The following AP1M1 variants were observed in gnomAD, a reference collection of about 807,000 sequenced individuals.
AP1M1 encodes the protein adaptor related protein complex 1 subunit mu 1.
In AP1M1, 18 loss-of-function variants were observed where a neutral mutation model predicts 57.1. The ratio of observed to expected loss-of-function variants is 0.32; its 90% CI spans 0.22 to 0.47. The LOEUF (loss-of-function observed/expected upper bound fraction) is 0.47, where lower values mean the gene tolerates loss of function less well. AP1M1 is among the 20% of genes least tolerant of loss of function. The probability of loss-of-function intolerance (pLI) is 1.00; values close to 1 mark genes in which losing one functional copy is unlikely to be tolerated. For missense variants in AP1M1, 362 were observed against 593.5 expected (o/e 0.61, Z 4.05); for synonymous variants, 241 against 237.9 (o/e 1.01, Z -0.12).
Position 16,207,733 on chromosome 19 carries a change from G to A in AP1M1, c.268-286G>A, listed in dbSNP as rs1453745571. Among the ~76,000 whole-genome samples, 1 of 152,120 alleles carries A rather than the reference G, an allele frequency of 6.6e-6. No homozygotes were observed. Among genetic ancestry groups the A allele is most frequent in the African/African-American group, 2.4e-5 (1 of 41,418 alleles). On this transcript the variant is annotated intron_variant, in intron 3 of 11. Transcript: ENST00000291439. The surrounding 1 kb of genome is among the most constrained non-coding windows in gnomAD (Gnocchi z 4.2). ...TGACAGTTACAGTCGCTCAGGAGGGGCTGCCTGTCTGCGGGTGTCTGGGCA... is the reference window on the plus strand; with the variant it reads ...TGACAGTTACAGTCGCTCAGGAGGGACTGCCTGTCTGCGGGTGTCTGGGCA...
rs2091482630 is a variant in AP1M1 at position 16,209,144 on chromosome 19, G to A, written c.513G>A (p.Val171=). Residue 171 remains valine (V), a synonymous_variant, in exon 5 of 12, where the codon GTG becomes GTA. Transcript: ENST00000291439. ...GCATCAAGTATCGGAAGAATGAGGTGTTCTTGGACGTCATCGAGTCTGTCA... is the reference window on the plus strand; with the variant it reads ...GCATCAAGTATCGGAAGAATGAGGTATTCTTGGACGTCATCGAGTCTGTCA... ...SEGIKYRKNE[V]FLDVIESVNL... The A allele has an allele frequency of 6.2e-7, 1 of 1,614,224 alleles. No individual in the cohort carries two copies. The highest frequency in any genetic ancestry group is 8.5e-7 in the Non-Finnish European group (1 of 1,180,040).
rs1243221499 is a variant in AP1M1, at chr19:16,203,687, T to C, written c.199+72T>C. The C allele has an allele frequency of 4.7e-6, 7 of 1,480,670 alleles. No individual in the cohort carries two copies. The Admixed American group carries it at 1.2e-4, about 25-fold the overall frequency. The allele number at this position is 1,480,670 out of a possible 1,614,324, so 91.7% of individuals were successfully genotyped here. The stretch of plus-strand genomic sequence containing the variant: ...TGGTGTGTGTGCATATCCACACGCC[T>C]GCAAGCAGGGCTGGTTTGTGCACAG... On this transcript the variant is annotated intron_variant, in intron 2 of 11. Coordinates refer to ENST00000291439, the MANE Select transcript of AP1M1 (RefSeq NM_032493.4). This position sits in a 1 kb window ranked among gnomAD's most constrained non-coding sequence, Gnocchi z 4.6.
intron 1 of AP1M1, among the ~76,000 whole-genome samples, chr19:16,199,714 A>T (rs972739834): frequency 3.9e-5 from 6 of 152,138 alleles, no homozygotes; most frequent in African/African-American, 1.4e-4. Flanking sequence ...CCTTCTTGGA[A>T]GGAGGGAAGA....
intron 4 of AP1M1, 127 bp downstream of exon 4, chr19:16,208,276 C>A: frequency 1.8e-6 from 2 of 1,098,796 alleles, no homozygotes; most frequent in Non-Finnish European, 2.5e-6. Flanking sequence ...CCACCTCCAG[C>A]AGTATTCGGG....
Position 16,227,237 on chromosome 19 carries a change from C to G in AP1M1, c.674-311C>G, listed in dbSNP as rs145532380. ...CCCTTGGGGAGCCCCGAGCCATCCC[C>G]CAGCCAAGTCCACTGATCAATCATT... On this transcript the variant is annotated intron_variant, in intron 6 of 11. Coordinates refer to ENST00000291439, the MANE Select transcript of AP1M1 (RefSeq NM_032493.4). This position sits in a 1 kb window ranked among gnomAD's most constrained non-coding sequence, Gnocchi z 6.2. Among the ~76,000 whole-genome samples the G allele has an allele frequency of 2.0e-5, 3 of 152,280 alleles. No individual in the cohort carries two copies. The East Asian group carries it at 5.8e-4, about 29-fold the overall frequency.
chr19:16,200,501 A>C (rs918676988), intron 1 of AP1M1, among the ~76,000 whole-genome samples: 1 of 152,088 alleles, frequency 6.6e-6, no homozygotes, highest in East Asian at 1.9e-4. Flanking sequence ...AAAGCTCCCC[A>C]AGGCAGCCGT....
At chr19:16,222,621 G>T (rs1467728842) in intron 5 of AP1M1, among the ~76,000 whole-genome samples, 1 of 151,722 alleles carries the variant, frequency 6.6e-6, no homozygotes, top group Non-Finnish European at 1.5e-5. Context: ...TTTTGTTTTT[G>T]TTTTGAGACA....
Position 16,228,332 on chromosome 19 carries a change from C to T in AP1M1, c.888+124C>T. 2.0e-6 allele frequency: 2 copies of T among 983,502 alleles called. No homozygotes were observed. The highest frequency in any genetic ancestry group is 3.1e-6 in the Non-Finnish European group (2 of 645,934). 60.9% of individuals were successfully genotyped at this position (983,502 alleles called of 1,614,324 possible). On this transcript the variant is annotated intron_variant, in intron 8 of 11. Coordinates refer to ENST00000291439, the MANE Select transcript of AP1M1 (RefSeq NM_032493.4). The surrounding 1 kb of genome is among the most constrained non-coding windows in gnomAD (Gnocchi z 5.0). ...TGCACCCTCACTGTGGCCTCAGATG[C>T]AGGAGTGACCTGACACTGAGGGGAC...
rs759636539 is a variant in AP1M1 at position 16,228,947 on chromosome 19, C to T, written c.1047+19C>T. On this transcript the variant is annotated intron_variant, in intron 9 of 11. Coordinates refer to ENST00000291439, the MANE Select transcript of AP1M1 (RefSeq NM_032493.4). This position sits in a 1 kb window ranked among gnomAD's most constrained non-coding sequence, Gnocchi z 5.0. ...CTTCCCGGTGAGCACTCTGTCCAGA[C>T]ATCCACGTGCCCCCTGCGCCTGTCT... is the stretch of plus-strand genomic sequence containing the variant. 3 of 1,610,690 alleles carry T rather than the reference C, an allele frequency of 1.9e-6. No individual in the cohort carries two copies. The highest frequency in any genetic ancestry group is 2.5e-6 in the Non-Finnish European group (3 of 1,177,422).
rs11878683 is a variant in AP1M1, at chr19:16,200,341, G to C, written c.42+2273G>C. On this transcript the variant is annotated intron_variant, in intron 1 of 11. Coordinates refer to ENST00000291439, the MANE Select transcript of AP1M1 (RefSeq NM_032493.4). ...CACGATCATGTGGAAAAGAGGTGTT[G>C]CAAGGGGCAGCCTGCTGGGGCTGCC... Among the ~76,000 whole-genome samples the C allele has an allele frequency of 1.9e-3, 294 of 152,322 alleles. 2 individuals carry two copies. Among genetic ancestry groups the C allele is most frequent in the African/African-American group, 6.8e-3 (283 of 41,578 alleles).
chr19:16,228,177 A>G lies in AP1M1; in HGVS notation c.857A>G (p.His286Arg). ...LIWIESVIEK[H>R]SHSRIEYMIK... ...TGGATCGAGTCGGTGATCGAGAAGCACTCCCACAGCCGCATCGAGTACATG... is the reference window on the plus strand; with the variant it reads ...TGGATCGAGTCGGTGATCGAGAAGCGCTCCCACAGCCGCATCGAGTACATG... The change falls in exon 8 of 12, where the codon CAC (histidine) becomes CGC (arginine). Residue 286 changes from histidine to arginine, a missense_variant. His to Arg is a conservative substitution (Grantham distance 29, BLOSUM62 0). Around this residue, in one of 2 missense-constraint regions of AP1M1, gnomAD observed 337 missense variants for 511.1 expected, o/e 0.66. Coordinates refer to ENST00000291439, the MANE Select transcript of AP1M1 (RefSeq NM_032493.4). The surrounding 1 kb of genome is among the most constrained non-coding windows in gnomAD (Gnocchi z 5.0). 6.2e-7 allele frequency: 1 copy of G among 1,613,414 alleles called. No individual in the cohort carries two copies. Among genetic ancestry groups the G allele is most frequent in the Non-Finnish European group, 8.5e-7 (1 of 1,179,944 alleles).
At chr19:16,230,201 T>C (rs2091590008) in intron 9 of AP1M1, among the ~76,000 whole-genome samples, 1 of 152,244 alleles carries the variant, frequency 6.6e-6, no homozygotes, top group African/African-American at 2.4e-5. Flanking sequence ...TCCCAGATAC[T>C]GCATTTTTAT....
Position 16,228,825 on chromosome 19 carries a change from C to T in AP1M1, c.944C>T (p.Pro315Leu). 1 of 1,614,178 alleles carries T rather than the reference C, an allele frequency of 6.2e-7. No individual in the cohort carries two copies. The highest frequency in any genetic ancestry group is 8.5e-7 in the Non-Finnish European group (1 of 1,180,030). Residue 315 changes from proline (P) to leucine (L), a missense_variant, in exon 9 of 12, where the codon CCC becomes CTC. Transcript: ENST00000291439. The surrounding 1 kb of genome is among the most constrained non-coding windows in gnomAD (Gnocchi z 5.0). Reference protein sequence around the residue: ...STANNVEIHIPVPNDADSPKF... With the variant: ...STANNVEIHILVPNDADSPKF... ...GCCAACAACGTGGAGATCCACATTC[C>T]CGTGCCCAATGATGCCGACTCACCC... is the stretch of plus-strand genomic sequence containing the variant.
At chr19:16,208,356 C>A (rs2091478951) in intron 4 of AP1M1, 3 of 477,618 alleles carry the variant, frequency 6.3e-6, no homozygotes, top group Non-Finnish European at 1.1e-5. Flanking sequence ...CCGTGCTTTT[C>A]CTGCTCCTCA....
intron 2 of AP1M1, among the ~76,000 whole-genome samples, chr19:16,204,292 T>G (rs989026202): frequency 1.3e-5 from 2 of 151,884 alleles, no homozygotes; most frequent in African/African-American, 4.8e-5. Flanking sequence ...ATGGGGAGAC[T>G]TGGCCAAGCC....
intron 5 of AP1M1, among the ~76,000 whole-genome samples, chr19:16,219,586 C>T (rs372554356): frequency 6.6e-6 from 1 of 151,882 alleles, no homozygotes; most frequent in Non-Finnish European, 1.5e-5. Context: ...TTAGTAGAAA[C>T]GGGGTTTCAC....
At chr19:16,213,137 A>G (rs765199243) in intron 5 of AP1M1, among the ~76,000 whole-genome samples, 32 of 152,140 alleles carry the variant, frequency 2.1e-4, no homozygotes, top group Non-Finnish European at 4.0e-4. Flanking sequence ...AAGGTCCTGG[A>G]TATCTTTGAT....
rs934518655 is a variant in AP1M1, at chr19:16,245,314, C to T, written c.*10879C>T. Reference sequence around the variant, plus strand: ...TTTGTTTTTTTGAGACAGAGTCTCACTCTGTCGCCCAGGCTGGAGTGCAGT... The same window carrying T: ...TTTGTTTTTTTGAGACAGAGTCTCATTCTGTCGCCCAGGCTGGAGTGCAGT... On this transcript the variant is annotated 3_prime_UTR_variant, in exon 12 of 12. Coordinates refer to ENST00000291439, the MANE Select transcript of AP1M1 (RefSeq NM_032493.4). The T allele has an allele frequency of 4.6e-5, 7 of 151,198 alleles. No homozygotes were observed. The highest frequency in any genetic ancestry group is 1.7e-4 in the African/African-American group (7 of 41,040). 9.4% of individuals were successfully genotyped at this position (151,198 alleles called of 1,614,324 possible). A position where few individuals can be genotyped will look rare whatever the true frequency, so the allele number is the denominator to read the frequency against.
rs143380976 is a variant in AP1M1, at chr19:16,227,648, C to A, written c.774C>A (p.Pro258=). The A allele has an allele frequency of 1.6e-4, 252 of 1,614,042 alleles. No individual in the cohort carries two copies. In the African/African-American group the frequency reaches 2.4e-3, roughly 16 times the overall value. The part of the protein sequence containing the change: ...ENDRTISFIP[P]DGEFELMSYR... The stretch of plus-strand genomic sequence containing the variant: ...ACCGCACCATCTCCTTCATCCCACC[C>A]GACGGCGAGTTCGAGCTCATGTCCT... The change falls in exon 7 of 12, where the codon CCC becomes CCA. Residue 258 remains proline, a synonymous_variant. Coordinates refer to ENST00000291439, the MANE Select transcript of AP1M1 (RefSeq NM_032493.4). This position sits in a 1 kb window ranked among gnomAD's most constrained non-coding sequence, Gnocchi z 6.2.
Sources: gnomAD v4.1 joint callset for allele counts (sites outside exome capture counted in the v4.1 genomes callset) on GRCh38, gnomAD v4.1.1 for gene constraint, gnomAD v4.1.1 regional missense constraint, Gnocchi (gnomAD v3.1) non-coding constraint, MANE v1.5 for transcripts, NCBI Gene and HGNC (gene_info 2026-07-23, HGNC 2026-07-21) for gene names.